The following RXFP1 variants were observed in gnomAD, a reference collection of about 807,000 sequenced individuals.
RXFP1 encodes the protein relaxin family peptide receptor 1.
In RXFP1, 73 loss-of-function variants were observed where a neutral mutation model predicts 89.8. That is an observed-to-expected ratio of 0.81 (90% confidence interval 0.67 to 0.99). The LOEUF (loss-of-function observed/expected upper bound fraction) is 0.99. Among genes scored for constraint, RXFP1 ranks in the 50% least tolerant of loss-of-function variants. The pLI, the probability that RXFP1 is intolerant of heterozygous loss-of-function variation, is 0.00. For missense variants in RXFP1, 793 were observed against 895.5 expected (o/e 0.89, Z 1.46); for synonymous variants, 277 against 305.5 (o/e 0.91, Z 0.97).
chr4:158,560,341 T>C (rs1453644791), intron 1 of RXFP1, among the ~76,000 whole-genome samples: 1 of 152,166 alleles, frequency 6.6e-6, no homozygotes, highest in African/African-American at 2.4e-5. Context: ...CTGAAGGCAT[T>C]TGTATGGCAG....
intron 1 of RXFP1, among the ~76,000 whole-genome samples, chr4:158,567,379 C>T (rs1753816618): frequency 6.6e-6 from 1 of 152,206 alleles, no homozygotes; most frequent in Non-Finnish European, 1.5e-5. Flanking sequence ...CTGGTGGGCA[C>T]TTGGAGAATC....
chr4:158,639,397 T>A, intron 14 of RXFP1, 66 bp downstream of exon 14: 1 of 888,306 alleles, frequency 1.1e-6, no homozygotes, highest in Non-Finnish European at 1.9e-6. Flanking sequence ...ATTATGATAA[T>A]GCATCCAATC....
chr4:158,590,811 T>TCCCAAATAGAAACCACTTCTA (rs1380815154), intron 2 of RXFP1, among the ~76,000 whole-genome samples: 31 of 152,168 alleles, frequency 2.0e-4, no homozygotes, highest in African/African-American at 7.0e-4. Flanking sequence ...CTCTAGATAT[T>TCCCAAATAGAAACCACTTCTA]TTTGGGAAAG....
At chr4:158,587,145 G>A (rs558258935) in intron 2 of RXFP1, among the ~76,000 whole-genome samples, 57 of 152,306 alleles carry the variant, frequency 3.7e-4, no homozygotes, top group Non-Finnish European at 6.5e-4. Flanking sequence ...GAACATGAAC[G>A]TGGTGCACAG....
chr4:158,575,504 T>C (rs539082214), intron 2 of RXFP1, among the ~76,000 whole-genome samples: 1 of 152,258 alleles, frequency 6.6e-6, no homozygotes, highest in African/African-American at 2.4e-5. Flanking sequence ...TCCCCCAGTG[T>C]GATAGGATTT....
At chr4:158,549,102 T>C (rs1024675688) in intron 1 of RXFP1, among the ~76,000 whole-genome samples, 10 of 151,952 alleles carry the variant, frequency 6.6e-5, no homozygotes, top group Middle Eastern at 3.4e-3. Context: ...CAGACGTAGA[T>C]TTGGTCTTTT....
chr4:158,542,309 A>G, intron 1 of RXFP1, among the ~76,000 whole-genome samples: 1 of 151,504 alleles, frequency 6.6e-6, no homozygotes, highest in Admixed American at 6.6e-5. Context: ...CAGCTGTATA[A>G]TCTTTTATCA....
chr4:158,595,872 C>T (rs1237247106), intron 3 of RXFP1, among the ~76,000 whole-genome samples: 2 of 151,716 alleles, frequency 1.3e-5, no homozygotes, highest in African/African-American at 2.4e-5. Flanking sequence ...ATTGGCTGGG[C>T]ACAGTGGCTC....
chr4:158,572,664 C>T, intron 1 of RXFP1, 34 bp from the exon 2 acceptor site: 3 of 1,606,042 alleles, frequency 1.9e-6, no homozygotes, highest in Non-Finnish European at 2.6e-6. Context: ...TATTAACCAC[C>T]TTCAAACTTT....
intron 9 of RXFP1, among the ~76,000 whole-genome samples, chr4:158,617,772 A>G (rs1398775265): frequency 6.6e-6 from 1 of 152,176 alleles, no homozygotes; most frequent in Non-Finnish European, 1.5e-5. Context: ...AATAACCAAA[A>G]TAACTACTAA....
At chr4:158,616,550 G>A (rs1226232408) in intron 8 of RXFP1, among the ~76,000 whole-genome samples, 2 of 119,674 alleles carry the variant, frequency 1.7e-5, no homozygotes, top group African/African-American at 8.6e-5. Context: ...ACGGGTTTAG[G>A]CTATTTTTTT....
intron 4 of RXFP1, among the ~76,000 whole-genome samples, chr4:158,603,794 G>T (rs1260364411): frequency 6.6e-6 from 1 of 151,622 alleles, no homozygotes; most frequent in Non-Finnish European, 1.5e-5. Context: ...GGAGGCTGAG[G>T]CAGGAGAATC....
intron 2 of RXFP1, among the ~76,000 whole-genome samples, chr4:158,586,423 G>A (rs1758316843): frequency 6.6e-6 from 1 of 151,848 alleles, no homozygotes; most frequent in Non-Finnish European, 1.5e-5. Context: ...CATATATACT[G>A]GAAACCATAT....
chr4:158,635,392 T>C (rs1561178795), intron 12 of RXFP1, among the ~76,000 whole-genome samples: 1 of 152,222 alleles, frequency 6.6e-6, no homozygotes, highest in Non-Finnish European at 1.5e-5. Flanking sequence ...TGATGAATGT[T>C]TTAGTTCAAA....
chr4:158,579,436 T>C (rs187997076), intron 2 of RXFP1, among the ~76,000 whole-genome samples: 1 of 152,202 alleles, frequency 6.6e-6, no homozygotes, highest in Admixed American at 6.5e-5. Context: ...CCCAGCTAAT[T>C]TTTGTATTTA....
At chr4:158,576,820 G>A (rs767108894) in intron 2 of RXFP1, among the ~76,000 whole-genome samples, 6 of 152,158 alleles carry the variant, frequency 3.9e-5, no homozygotes, top group Non-Finnish European at 8.8e-5. Context: ...TGCTGTCCAT[G>A]CAAAAATAGA....
intron 1 of RXFP1, among the ~76,000 whole-genome samples, chr4:158,542,894 C>G (rs990029334): frequency 6.6e-6 from 1 of 152,012 alleles, no homozygotes; most frequent in African/African-American, 2.4e-5. Context: ...ACTTAAGAAT[C>G]TTTTTTTCAC....
At chr4:158,607,389 G>A (rs1273834268) in intron 5 of RXFP1, among the ~76,000 whole-genome samples, 1 of 152,032 alleles carries the variant, frequency 6.6e-6, no homozygotes. Context: ...TTGGAACAAG[G>A]TTTGGATGTC....
At chr4:158,591,285 C>T (rs1385362067) in intron 2 of RXFP1, among the ~76,000 whole-genome samples, 1 of 152,210 alleles carries the variant, frequency 6.6e-6, no homozygotes, top group African/African-American at 2.4e-5. Flanking sequence ...TATATGCCGA[C>T]TCTTTCAAAT....
Sources: gnomAD v4.1 joint callset for allele counts (sites outside exome capture counted in the v4.1 genomes callset) on GRCh38, gnomAD v4.1.1 for gene constraint, MANE v1.5 for transcripts, NCBI Gene and HGNC (gene_info 2026-07-23, HGNC 2026-07-21) for gene names.